The following CASZ1 variants were observed in gnomAD, a reference collection of about 807,000 sequenced individuals.
CASZ1 encodes the protein zinc finger protein castor homolog 1.
A neutral mutation model predicts 135.2 loss-of-function variants in CASZ1; 28 were observed. The observed-to-expected ratio is 0.21, with a 90% CI of 0.15 to 0.28. CASZ1 has a LOEUF of 0.28. Among genes scored for constraint, CASZ1 ranks in the 10% least tolerant of loss-of-function variants. The pLI is 1.00. For synonymous variants in CASZ1, 1,068 were observed against 1,073.4 expected, an observed-to-expected ratio of 0.99 and a Z score of 0.10; for missense variants, 2,161 against 2,453.3, an observed-to-expected ratio of 0.88 and a Z score of 2.52.
At chr1:10,753,190 T>C (rs2100559256) in intron 2 of CASZ1, among the ~76,000 whole-genome samples, 1 of 152,372 alleles carries the variant, frequency 6.6e-6, no homozygotes, top group African/African-American at 2.4e-5. Flanking sequence ...ATTTGCTAAC[T>C]CTGGCAGCCC....
Position 10,788,093 on chromosome 1 carries a change from T to G in CASZ1, c.-234+8471A>C, listed in dbSNP as rs1640890830. 1.3e-5 allele frequency among the ~76,000 whole-genome samples: 2 copies of G among 152,204 alleles called. No individual in the cohort carries two copies. The highest frequency in any genetic ancestry group is 2.9e-5 in the Non-Finnish European group (2 of 68,036). ...TCTTAGAATCCCAGAGAACGTTAGC[T>G]GGATACGGGGATGTTCTCATCCAGA... On this transcript the variant is annotated intron_variant, in intron 1 of 20. Transcript: ENST00000377022. This position sits in a 1 kb window ranked among gnomAD's most constrained non-coding sequence, Gnocchi z 4.1.
At position 10,685,276 on chromosome 1, in the gene CASZ1, G is replaced by T. The variant is rs145689588; in HGVS notation, c.16+8598C>A. Among the ~76,000 whole-genome samples the T allele has an allele frequency of 9.7e-4, 147 of 152,320 alleles. No individual in the cohort carries two copies. In the East Asian group the frequency reaches 0.011, roughly 11 times the overall value. Reference sequence around the variant, plus strand: ...GTCTGGGGAGAACTGGGAGGGAAGTGGGGGGCACACTGTCATCTCTGATAT... The same window carrying T: ...GTCTGGGGAGAACTGGGAGGGAAGTTGGGGGCACACTGTCATCTCTGATAT... On this transcript the variant is annotated intron_variant, in intron 4 of 20. Coordinates refer to ENST00000377022, the MANE Select transcript of CASZ1 (RefSeq NM_001079843.3).
At chr1:10,692,580 G>A (rs763022242) in intron 4 of CASZ1, among the ~76,000 whole-genome samples, 32 of 152,126 alleles carry the variant, frequency 2.1e-4, no homozygotes, top group African/African-American at 1.9e-4. Flanking sequence ...CTTCCCGGGC[G>A]CAGAGGTCCC....
chr1:10,655,194 C>G (rs977428415), intron 9 of CASZ1, among the ~76,000 whole-genome samples: 4 of 152,200 alleles, frequency 2.6e-5, no homozygotes, highest in Admixed American at 6.5e-5. Flanking sequence ...GAGGCCATAA[C>G]AACTCCTGAC....
intron 2 of CASZ1, among the ~76,000 whole-genome samples, chr1:10,710,074 T>C (rs1034989201): frequency 6.6e-6 from 1 of 152,192 alleles, no homozygotes; most frequent in African/African-American, 2.4e-5. Flanking sequence ...GCCCTCGTCC[T>C]TTGGGGACAG....
chr1:10,736,653 C>T (rs901760666), intron 2 of CASZ1, among the ~76,000 whole-genome samples: 5 of 152,214 alleles, frequency 3.3e-5, no homozygotes, highest in African/African-American at 1.2e-4. Context: ...AGTTCTCATT[C>T]ATCACCTACG....
chr1:10,649,567 C>A, intron 13 of CASZ1, 130 bp from the exon 14 acceptor site: 1 of 1,076,288 alleles, frequency 9.3e-7, no homozygotes, highest in South Asian at 1.7e-5. Context: ...GAGAATGCGG[C>A]CCGCCTACTT....
intron 20 of CASZ1, among the ~76,000 whole-genome samples, chr1:10,641,207 C>A (rs1313654673): frequency 1.3e-5 from 2 of 152,234 alleles, no homozygotes; most frequent in Non-Finnish European, 2.9e-5. Flanking sequence ...GGCACCCAGG[C>A]AGGGGGCAAG....
intron 3 of CASZ1, among the ~76,000 whole-genome samples, chr1:10,696,964 A>G (rs1236916507): frequency 6.6e-6 from 1 of 152,126 alleles, no homozygotes; most frequent in Non-Finnish European, 1.5e-5. Flanking sequence ...AAGGGACAGG[A>G]CTCGAGAGAG....
intron 1 of CASZ1, among the ~76,000 whole-genome samples, chr1:10,784,234 G>A (rs951189479): frequency 4.1e-4 from 62 of 152,154 alleles, no homozygotes; most frequent in Non-Finnish European, 5.9e-5. Flanking sequence ...GAGCCCTCAC[G>A]ACATCTGGGT....
intron 1 of CASZ1, among the ~76,000 whole-genome samples, chr1:10,775,272 C>T (rs963607509): frequency 6.6e-6 from 1 of 152,184 alleles, no homozygotes; most frequent in Non-Finnish European, 1.5e-5. Context: ...TCACCCAAAA[C>T]TCAAAATGAA....
chr1:10,641,752 G>T (rs4845939), intron 20 of CASZ1, among the ~76,000 whole-genome samples: 3,072 of 152,338 alleles, frequency 0.02, 70 homozygotes, highest in East Asian at 0.032. Context: ...CCTCCGGCAG[G>T]ATCAGCCATC....
At position 10,726,560 on chromosome 1, in the gene CASZ1, G is replaced by A. The variant is rs1224431703; in HGVS notation, c.-76-21016C>T. ...AAGCTGAAGGCTGCATGCCAATCCG[G>A]CCAGAGGAAACACCGGGCACGGGGA... On this transcript the variant is annotated intron_variant, in intron 2 of 20. Coordinates refer to ENST00000377022, the MANE Select transcript of CASZ1 (RefSeq NM_001079843.3). This position sits in a 1 kb window ranked among gnomAD's most constrained non-coding sequence, Gnocchi z 5.7. Among the ~76,000 whole-genome samples, 1 of 152,200 alleles carries A rather than the reference G, an allele frequency of 6.6e-6. No individual in the cohort carries two copies. Among genetic ancestry groups the A allele is most frequent in the Non-Finnish European group, 1.5e-5 (1 of 68,018 alleles).
chr1:10,748,538 G>A (rs1346427692), intron 2 of CASZ1, among the ~76,000 whole-genome samples: 5 of 152,120 alleles, frequency 3.3e-5, no homozygotes, highest in African/African-American at 4.8e-5. Context: ...GCAGAGTGAC[G>A]GCCATGTCTA....
intron 1 of CASZ1, among the ~76,000 whole-genome samples, chr1:10,786,527 C>T (rs1396664210): frequency 1.3e-5 from 2 of 152,212 alleles, no homozygotes; most frequent in South Asian, 2.1e-4. Context: ...CAAGTGTTTC[C>T]GTGTCCTCTC....
rs905436933 is a variant in CASZ1 at position 10,679,535 on chromosome 1, G to T, written c.17-13964C>A. On this transcript the variant is annotated intron_variant, in intron 4 of 20. Coordinates refer to ENST00000377022, the MANE Select transcript of CASZ1 (RefSeq NM_001079843.3). This position sits in a 1 kb window ranked among gnomAD's most constrained non-coding sequence, Gnocchi z 4.7. Reference sequence around the variant, plus strand: ...CCACATACTCTGGCATTCTCCTAGGGCCCCCCGCGGGCCCCTCCTCCCCAT... The same window carrying T: ...CCACATACTCTGGCATTCTCCTAGGTCCCCCCGCGGGCCCCTCCTCCCCAT... Among the ~76,000 whole-genome samples the T allele has an allele frequency of 2.0e-5, 3 of 151,900 alleles. No individual in the cohort carries two copies. Among genetic ancestry groups the T allele is most frequent in the African/African-American group, 7.3e-5 (3 of 41,330 alleles).
At chr1:10,781,323 G>C (rs1640758965) in intron 1 of CASZ1, among the ~76,000 whole-genome samples, 1 of 152,356 alleles carries the variant, frequency 6.6e-6, no homozygotes, top group East Asian at 1.9e-4. Context: ...TACCCTCTGG[G>C]AACAGGTGCC....
chr1:10,670,186 G>A (rs548487267), intron 4 of CASZ1, among the ~76,000 whole-genome samples: 56 of 152,346 alleles, frequency 3.7e-4, no homozygotes, highest in Middle Eastern at 3.4e-3. Context: ...TAGAGCAGCT[G>A]GCATCCTCTG....
In CASZ1 at chr1:10,660,331, A is replaced by G; in HGVS notation, c.711T>C (p.Ser237=). The change falls in exon 6 of 21, where the codon TCT becomes TCC. Residue 237 remains serine, a synonymous_variant. Coordinates refer to ENST00000377022, the MANE Select transcript of CASZ1 (RefSeq NM_001079843.3). ...GCTTGCGGATGTACTCCTCATACTT[A>G]GAGAACCGCGCCCGCTTGCTGAGGG... ...EDTLSKRARF[S]KYEEYIRKLK... The G allele has an allele frequency of 6.2e-7, 1 of 1,614,092 alleles. No individual in the cohort carries two copies. The highest frequency in any genetic ancestry group is 8.5e-7 in the Non-Finnish European group (1 of 1,180,016).
Sources: allele counts gnomAD v4.1 joint callset (sites outside exome capture counted in the v4.1 genomes callset), GRCh38; gene constraint gnomAD v4.1.1; non-coding constraint Gnocchi (gnomAD v3.1); transcripts MANE v1.5; gene names NCBI Gene and HGNC (gene_info 2026-07-23, HGNC 2026-07-21).